Variants in AMBRA1 observed in about 807,000 individuals in gnomAD.
AMBRA1 encodes the protein autophagy and beclin 1 regulator 1, also known as activating molecule in BECN1-regulated autophagy protein 1.
Under a neutral mutation model 125.4 loss-of-function variants are expected in AMBRA1, and 47 were observed. The observed-to-expected ratio is 0.37, with a 90% CI of 0.30 to 0.48. The LOEUF is 0.48. Among genes scored for constraint, AMBRA1 ranks in the 20% least tolerant of loss-of-function variants. AMBRA1 has a pLI of 0.99. For synonymous variants in AMBRA1, 626 were observed against 655.5 expected (o/e 0.95, Z 0.69); for missense variants, 1,331 against 1,693.4 (o/e 0.79, Z 3.76).
chr11:46,536,247 A>G (rs550642760), intron 7 of AMBRA1, among the ~76,000 whole-genome samples: 2 of 152,332 alleles, frequency 1.3e-5, no homozygotes, highest in African/African-American at 2.4e-5. Context: ...TAGACAAGGG[A>G]TATATACAGA....
intron 7 of AMBRA1, among the ~76,000 whole-genome samples, chr11:46,537,143 TGTTA>T (rs1267942643): frequency 2.6e-5 from 4 of 152,262 alleles, no homozygotes; most frequent in Non-Finnish European, 4.4e-5. Context: ...AGAAGCATTG[TGTTA>T]GTTACCATTC....
At chr11:46,490,309 T>C (rs1299915499) in intron 11 of AMBRA1, among the ~76,000 whole-genome samples, 1 of 152,160 alleles carries the variant, frequency 6.6e-6, no homozygotes, top group Non-Finnish European at 1.5e-5. Flanking sequence ...GATGACCAAT[T>C]GGAGGCTACC....
At chr11:46,483,926 G>T (rs1590925273) in intron 11 of AMBRA1, among the ~76,000 whole-genome samples, 1 of 152,078 alleles carries the variant, frequency 6.6e-6, no homozygotes, top group East Asian at 1.9e-4. Flanking sequence ...GGAGGTAGGG[G>T]GTTAGTTAGC....
intron 1 of AMBRA1, among the ~76,000 whole-genome samples, chr11:46,558,401 T>C (rs535525850): frequency 2.8e-4 from 42 of 151,728 alleles, no homozygotes; most frequent in African/African-American, 9.4e-4. Context: ...ATACCAAAAT[T>C]AGCTGGGCAT....
intron 14 of AMBRA1, among the ~76,000 whole-genome samples, chr11:46,428,008 CAAAAAAAAAAA>C (rs57618324): frequency 3.2e-5 from 2 of 63,384 alleles, no homozygotes; most frequent in Admixed American, 1.9e-4. Context: ...GACTCCATGT[CAAAAAAAAAAA>C]AAAAAAAAAA....
At chr11:46,469,919 C>T (rs1949507926) in intron 11 of AMBRA1, among the ~76,000 whole-genome samples, 1 of 151,218 alleles carries the variant, frequency 6.6e-6, no homozygotes, top group South Asian at 2.1e-4. Context: ...CTCGGGCAAT[C>T]CTCCTAACTT....
intron 11 of AMBRA1, among the ~76,000 whole-genome samples, chr11:46,464,831 G>A (rs1032560935): frequency 1.3e-5 from 2 of 151,712 alleles, no homozygotes; most frequent in Non-Finnish European, 2.9e-5. Context: ...CGGATCACGA[G>A]GTCAAGAGTT....
At chr11:46,558,361 C>A (rs1387946144) in intron 1 of AMBRA1, among the ~76,000 whole-genome samples, 1 of 151,866 alleles carries the variant, frequency 6.6e-6, no homozygotes, top group African/African-American at 2.4e-5. Context: ...CCAGCCTGAT[C>A]AAAACAGTGA....
At position 46,594,009 on chromosome 11, in the gene AMBRA1, A is replaced by C. The variant is rs1312684169; in HGVS notation, c.-302T>G. 2 of 398,624 alleles carry C rather than the reference A, an allele frequency of 5.0e-6. No homozygotes were observed. Among genetic ancestry groups the C allele is most frequent in the Non-Finnish European group, 8.8e-6 (2 of 226,066 alleles). 24.7% of individuals were successfully genotyped at this position (398,624 alleles called of 1,614,324 possible). On this transcript the variant is annotated 5_prime_UTR_variant, in exon 1 of 18. Coordinates refer to ENST00000683756, the MANE Select transcript of AMBRA1 (RefSeq NM_001387011.1). The stretch of plus-strand genomic sequence containing the variant: ...ACCCGGCGCCGCCGCCGCTCAGGAG[A>C]CATCAAGCAAGAAGACGGCGCAAAA...
At chr11:46,523,645 C>T (rs1303576885) in intron 7 of AMBRA1, among the ~76,000 whole-genome samples, 1 of 152,174 alleles carries the variant, frequency 6.6e-6, no homozygotes, top group Non-Finnish European at 1.5e-5. Flanking sequence ...TGAATGCCTG[C>T]TAAATCGATA....
chr11:46,585,799 TAAC>T (rs1179024833), intron 1 of AMBRA1, among the ~76,000 whole-genome samples: 8 of 120,368 alleles, frequency 6.6e-5, no homozygotes, highest in Non-Finnish European at 1.7e-5. Context: ...AATTGGAAAA[TAAC>T]AATAATTTTT....
intron 7 of AMBRA1, among the ~76,000 whole-genome samples, chr11:46,515,196 G>T (rs1330319804): frequency 1.3e-5 from 2 of 152,150 alleles, no homozygotes; most frequent in Non-Finnish European, 2.9e-5. Flanking sequence ...CTTCTTGGCT[G>T]GGCGTGGTGC....
chr11:46,483,008 CA>C (rs1163975208), intron 11 of AMBRA1, among the ~76,000 whole-genome samples: 260 of 94,532 alleles, frequency 2.8e-3, no homozygotes, highest in African/African-American at 8.5e-3. Context: ...GACTCTGTCT[CA>C]AAAAAAAAAA....
At chr11:46,584,517 G>A (rs2044297791) in intron 1 of AMBRA1, among the ~76,000 whole-genome samples, 1 of 151,038 alleles carries the variant, frequency 6.6e-6, no homozygotes, top group Admixed American at 6.6e-5. Flanking sequence ...AAAACTTGAA[G>A]TATAATAATA....
Position 46,397,546 on chromosome 11 carries a change from G to C in AMBRA1, c.3801C>G (p.Thr1267=). 1 of 1,559,698 alleles carries C rather than the reference G, an allele frequency of 6.4e-7. No individual in the cohort carries two copies. Among genetic ancestry groups the C allele is most frequent in the Non-Finnish European group, 8.7e-7 (1 of 1,150,524 alleles). Residue 1267 remains threonine (T), a synonymous_variant, in exon 18 of 18, where the codon ACC becomes ACG. Coordinates refer to ENST00000683756, the MANE Select transcript of AMBRA1 (RefSeq NM_001387011.1). ...TGTTATTGGTCAACTCGCAGTGGAG[G>C]GTTGGTCCCTCAGCGCTGGGAAGGG... ...PVSLPSAEGP[T]LHCELTNNNH...
intron 11 of AMBRA1, among the ~76,000 whole-genome samples, chr11:46,487,041 T>TGAGC (rs1950293066): frequency 6.6e-6 from 1 of 151,420 alleles, no homozygotes; most frequent in Admixed American, 6.6e-5. Flanking sequence ...GCAGATCACT[T>TGAGC]GAGCCTAGGA....
intron 11 of AMBRA1, among the ~76,000 whole-genome samples, chr11:46,493,294 C>T (rs1404752997): frequency 1.3e-5 from 2 of 152,104 alleles, no homozygotes; most frequent in Non-Finnish European, 2.9e-5. Flanking sequence ...AACATAAACA[C>T]GGCACCTTTA....
At chr11:46,490,281 TG>T (rs2136948136) in intron 11 of AMBRA1, among the ~76,000 whole-genome samples, 1 of 152,254 alleles carries the variant, frequency 6.6e-6, no homozygotes, top group Admixed American at 6.5e-5. Flanking sequence ...CTGATGATGA[TG>T]GGGAAAGGCC....
intron 8 of AMBRA1, 31 bp downstream of exon 8, chr11:46,512,696 C>A (rs182847518): frequency 1.2e-3 from 1,880 of 1,602,312 alleles, no homozygotes; most frequent in Non-Finnish European, 1.3e-3. Context: ...CCCCTCCCCC[C>A]ACCTAGTGCC....
Sources: gnomAD v4.1 joint callset for allele counts (sites outside exome capture counted in the v4.1 genomes callset) on GRCh38, gnomAD v4.1.1 for gene constraint, MANE v1.5 for transcripts, NCBI Gene and HGNC (gene_info 2026-07-23, HGNC 2026-07-21) for gene names.